The following NBPF20 variants were observed in gnomAD, a reference collection of about 807,000 sequenced individuals.
NBPF20 encodes NBPF family member NBPF20.
A neutral mutation model predicts 68.1 loss-of-function variants in NBPF20; 90 were observed. The ratio of observed to expected loss-of-function variants is 1.32; its 90% CI spans 1.11 to 1.58. The LOEUF is 1.58. Among genes scored for constraint, NBPF20 ranks in the 40% most tolerant of loss-of-function variants. NBPF20 has a pLI of 0.00. For synonymous variants in NBPF20, 290 were observed against 228.1 expected, an observed-to-expected ratio of 1.27 and a Z score of -2.45; for missense variants, 816 against 601.2, an observed-to-expected ratio of 1.36 and a Z score of -3.74.
the NBPF20 span, among the ~76,000 whole-genome samples, chr1:145,419,141 A>G: frequency 0.042 from 5,626 of 134,524 alleles, 475 homozygotes; most frequent in African/African-American, 0.15. Flanking sequence ...GGGAGGAAGG[A>G]AGGAAGGAAG....
At chr1:145,393,690 A>C (rs1662058161) in intron 9 of NBPF20, 194 bp downstream of exon 14, 5 of 1,430,182 alleles carry the variant, frequency 3.5e-6, no homozygotes, top group Admixed American at 2.0e-5. Flanking sequence ...TCACTAGGTT[A>C]GTAAATGATA....
chr1:145,406,090 T>G (rs1484554944), upstream of NBPF20, among the ~76,000 whole-genome samples: 1 of 145,658 alleles, frequency 6.9e-6, no homozygotes, highest in Admixed American at 6.8e-5. Flanking sequence ...GGCTAATTTT[T>G]TTTTTTTTTT....
intron 112 of NBPF20, among the ~76,000 whole-genome samples, chr1:145,311,818 AG>A (rs1428456026): frequency 1.0e-5 from 1 of 99,338 alleles, no homozygotes; most frequent in Non-Finnish European, 2.0e-5. Flanking sequence ...TGCACTATTC[AG>A]CCCTGTCTCA....
At chr1:145,410,795 T>C in the NBPF20 span, among the ~76,000 whole-genome samples, 2 of 104,174 alleles carry the variant, frequency 1.9e-5, no homozygotes, top group Non-Finnish European at 3.8e-5. Context: ...CACATATATA[T>C]ACGTATATGT....
the NBPF20 span, among the ~76,000 whole-genome samples, chr1:145,417,365 G>C: frequency 6.8e-6 from 1 of 147,174 alleles, no homozygotes; most frequent in Admixed American, 6.8e-5. Flanking sequence ...AATCCTAAGA[G>C]ATAAAATAGG....
At chr1:145,410,963 G>T in the NBPF20 span, among the ~76,000 whole-genome samples, 3 of 142,440 alleles carry the variant, frequency 2.1e-5, no homozygotes, top group African/African-American at 8.0e-5. Context: ...AGACATACAT[G>T]TGAGTATCTA....
upstream of NBPF20, chr1:145,407,972 C>T (rs1323357857): frequency 5.7e-6 from 1 of 174,672 alleles, no homozygotes. Flanking sequence ...ATACTGTGGT[C>T]CTGGACTCAC....
rs1662090763 is a variant in NBPF20 at position 145,394,073 on chromosome 1, G to C, written c.992-138C>G. ...AGGAGACTTTGAGAGAAATATTCCA[G>C]TAGGCCTGAGGTCAAGTCTTGAGAA... is the stretch of plus-strand genomic sequence containing the variant. On this transcript the variant is annotated intron_variant, in intron 8 of 137. Coordinates refer to ENST00000369373, the Ensembl canonical transcript of NBPF20. The C allele has an allele frequency of 7.4e-6, 5 of 674,296 alleles. No individual in the cohort carries two copies. The African/African-American group carries it at 8.9e-5, about 12-fold the overall frequency. The allele number at this position is 674,296 out of a possible 1,614,324, so 41.8% of individuals were successfully genotyped here.
chr1:145,352,232 C>T, intron 61 of NBPF20, 143 bp from the exon 67 acceptor site: 1 of 162,736 alleles, frequency 6.1e-6, no homozygotes, highest in South Asian at 5.7e-5. Context: ...TTATTGCCTT[C>T]ATGTTGGGAC....
intron 118 of NBPF20, among the ~76,000 whole-genome samples, chr1:145,307,210 T>TC (rs1170332347): frequency 0.018 from 533 of 29,176 alleles, 46 homozygotes; most frequent in African/African-American, 0.1. Context: ...TGTGAATTTT[T>TC]TACATCTGCC....
rs1400210203 is a variant in NBPF20, at chr1:145,393,721, C to T, written c.1043+163G>A. 22 of 1,499,274 alleles carry T rather than the reference C, an allele frequency of 1.5e-5. 1 individual carries two copies. In the South Asian group the frequency reaches 1.8e-4, roughly 12 times the overall value. 92.9% of individuals were successfully genotyped at this position (1,499,274 alleles called of 1,614,324 possible). On this transcript the variant is annotated intron_variant, in intron 9 of 137. Transcript: ENST00000369373. The stretch of plus-strand genomic sequence containing the variant: ...TGATAAGGGTAGGAAGAAATGGAAA[C>T]CTAAACATGTACTCTAATGAGAACC...
At chr1:145,405,680 A>T (rs1571379053), upstream of NBPF20, 1 of 551,058 alleles carries the variant, frequency 1.8e-6, no homozygotes, top group Non-Finnish European at 3.2e-6. Context: ...CCTGAGGGTC[A>T]CCACCAATGG....
At chr1:145,403,484 G>A (rs1662623204) in intron 2 of NBPF20, among the ~76,000 whole-genome samples, 166 bp from the exon 8 acceptor site, 1 of 152,258 alleles carries the variant, frequency 6.6e-6, no homozygotes, top group Non-Finnish European at 1.5e-5. Flanking sequence ...TGACTTTCTG[G>A]CATCTGATCC....
chr1:145,419,273 A>G, the NBPF20 span, among the ~76,000 whole-genome samples: 4 of 152,318 alleles, frequency 2.6e-5, no homozygotes, highest in East Asian at 7.7e-4. Flanking sequence ...ACAAATTTAC[A>G]TGAAGATGAG....
At chr1:145,403,178 C>T (rs1350498351) in intron 3 of NBPF20, 38 bp downstream of exon 8, 79 of 1,611,448 alleles carry the variant, frequency 4.9e-5, no homozygotes, top group Non-Finnish European at 6.4e-5. Context: ...GAGATTTACA[C>T]ACCTGCCCCC....
intron 136 of NBPF20, among the ~76,000 whole-genome samples, chr1:145,292,744 C>T (rs1243399713): frequency 1.5e-5 from 2 of 131,830 alleles, no homozygotes; most frequent in Admixed American, 7.6e-5. Context: ...TTTGTGCAAA[C>T]AGTTATGCCA....
At chr1:145,406,105 T>C (rs1203953345), upstream of NBPF20, among the ~76,000 whole-genome samples, 1 of 145,732 alleles carries the variant, frequency 6.9e-6, no homozygotes, top group East Asian at 2.0e-4. Context: ...TTTTTTTTTT[T>C]TTTGTATTTT....
At chr1:145,393,534 A>G (rs1439458397) in intron 9 of NBPF20, among the ~76,000 whole-genome samples, 2 of 151,922 alleles carry the variant, frequency 1.3e-5, no homozygotes, top group Admixed American at 6.6e-5. Context: ...CTGATGAGGG[A>G]GTCAAAGGAC....
At chr1:145,402,726 C>T (rs1187351893) in intron 3 of NBPF20, among the ~76,000 whole-genome samples, 8 of 148,880 alleles carry the variant, frequency 5.4e-5, no homozygotes, top group East Asian at 3.9e-4. Flanking sequence ...GTGCATCTTG[C>T]GGCCACTAGA....
Sources: gnomAD v4.1 joint callset for allele counts (sites outside exome capture counted in the v4.1 genomes callset) on GRCh38, gnomAD v4.1.1 for gene constraint, MANE v1.5 for transcripts, NCBI Gene and HGNC (gene_info 2026-07-23, HGNC 2026-07-21) for gene names.